ARID1A: variants seen among roughly 807,000 people sequenced by gnomAD.
The protein encoded by ARID1A is AT-rich interaction domain 1A.
Under a neutral mutation model 212.6 loss-of-function variants are expected in ARID1A, and 20 were observed. That is an observed-to-expected ratio of 0.09 (90% CI 0.07 to 0.14). The LOEUF (loss-of-function observed/expected upper bound fraction) is 0.14. ARID1A is among the 10% of genes least tolerant of loss of function. ARID1A has a pLI of 1.00. For synonymous variants in ARID1A, 1,376 were observed against 1,222.1 expected, an observed-to-expected ratio of 1.13 and a Z score of -2.63; for missense variants, 2,587 against 3,059.0, an observed-to-expected ratio of 0.85 and a Z score of 3.64.
intron 11 of ARID1A, among the ~76,000 whole-genome samples, chr1:26,768,342 C>A (rs993118011): frequency 1.3e-5 from 2 of 152,178 alleles, no homozygotes; most frequent in African/African-American, 2.4e-5. Flanking sequence ...GGTTTTGAAT[C>A]CCTTCTTGGC....
chr1:26,754,741 G>A (rs533340243), intron 4 of ARID1A, among the ~76,000 whole-genome samples: 46 of 152,278 alleles, frequency 3.0e-4, no homozygotes, highest in African/African-American at 1.1e-3. Context: ...CAGCAGTCCC[G>A]GGTTTAAAAT....
At chr1:26,712,950 T>C (rs1380513069) in intron 1 of ARID1A, among the ~76,000 whole-genome samples, 6 of 152,238 alleles carry the variant, frequency 3.9e-5, no homozygotes, top group Non-Finnish European at 8.8e-5. Context: ...TTATGTGGTT[T>C]CTCTGTCCTT....
intron 5 of ARID1A, 60 bp from the exon 6 acceptor site, chr1:26,761,323 TC>T: frequency 6.3e-7 from 1 of 1,591,370 alleles, no homozygotes; most frequent in Non-Finnish European, 8.6e-7. Context: ...TGAATTAACT[TC>T]CTAGTTAGAA....
chr1:26,745,541 A>C (rs1183803096), intron 4 of ARID1A, among the ~76,000 whole-genome samples: 1 of 152,220 alleles, frequency 6.6e-6, no homozygotes, highest in Non-Finnish European at 1.5e-5. Flanking sequence ...TGCATGAACT[A>C]GCCCAACAGA....
At chr1:26,760,822 A>T (rs772160815) in intron 4 of ARID1A, 34 bp from the exon 5 acceptor site, 1 of 1,577,914 alleles carries the variant, frequency 6.3e-7, no homozygotes, top group Non-Finnish European at 8.7e-7. Context: ...TCTGCCTAAT[A>T]TTACTAATCC....
chr1:26,769,321 C>T (rs1288561817), intron 11 of ARID1A: 2 of 152,166 alleles, frequency 1.3e-5, no homozygotes, highest in Non-Finnish European at 2.9e-5. Flanking sequence ...TTTAAAATGC[C>T]GTGATTGTAA....
intron 5 of ARID1A, 108 bp downstream of exon 5, chr1:26,761,204 G>T: frequency 6.6e-7 from 1 of 1,515,418 alleles, no homozygotes; most frequent in East Asian, 2.3e-5. Flanking sequence ...GCTCATGCCT[G>T]CATAGTTTCC....
At chr1:26,773,741 C>T (rs2081106674) in intron 16 of ARID1A, 24 bp downstream of exon 16, 3 of 1,614,058 alleles carry the variant, frequency 1.9e-6, no homozygotes, top group Non-Finnish European at 1.7e-6. Flanking sequence ...GGTCTCGGTG[C>T]TGCTATGGAT....
intron 8 of ARID1A, chr1:26,764,598 T>A (rs564291741): frequency 6.6e-6 from 1 of 152,114 alleles, no homozygotes; most frequent in East Asian, 1.9e-4. Context: ...TGAACCAAGG[T>A]AGAATAGGGC....
At chr1:26,714,398 T>TTTG (rs2080482061) in intron 1 of ARID1A, among the ~76,000 whole-genome samples, 1 of 151,748 alleles carries the variant, frequency 6.6e-6, no homozygotes, top group Non-Finnish European at 1.5e-5. Flanking sequence ...CTATAATCTT[T>TTTG]TTTGTTTGTT....
At chr1:26,760,750 T>C (rs2124052590) in intron 4 of ARID1A, 106 bp from the exon 5 acceptor site, 1 of 1,254,150 alleles carries the variant, frequency 8.0e-7, no homozygotes. Context: ...TGTGATGTAT[T>C]TGCTCTTGGT....
chr1:26,752,666 T>C (rs1025278102), intron 4 of ARID1A, among the ~76,000 whole-genome samples: 12 of 152,218 alleles, frequency 7.9e-5, no homozygotes, highest in Non-Finnish European at 1.8e-4. Flanking sequence ...GTCTCTTCTG[T>C]GTTCTTCAGG....
intron 8 of ARID1A, among the ~76,000 whole-genome samples, chr1:26,763,755 C>T (rs927607139): frequency 2.6e-5 from 4 of 152,142 alleles, no homozygotes; most frequent in African/African-American, 4.8e-5. Flanking sequence ...GGCGACAGAG[C>T]GAGACTGTCG....
intron 11 of ARID1A, chr1:26,769,692 C>T (rs1368436870): frequency 6.6e-6 from 1 of 152,224 alleles, no homozygotes; most frequent in Non-Finnish European, 1.5e-5. Flanking sequence ...TATTGAACTT[C>T]CTTTGTGTAT....
chr1:26,780,235 T>C lies in ARID1A; in HGVS notation c.6337T>C (p.Ser2113Pro). 6.2e-7 allele frequency: 1 copy of C among 1,614,038 alleles called. No homozygotes were observed. The highest frequency in any genetic ancestry group is 1.1e-5 in the South Asian group (1 of 91,070). Residue 2113 changes from serine to proline, a missense_variant, in exon 20 of 20, where the codon TCC (serine) becomes CCC (proline). By Grantham distance (74) the Ser-to-Pro change is moderately conservative (BLOSUM62 -1). Around this residue, in one of 11 missense-constraint regions of ARID1A, gnomAD observed 168 missense variants for 321.0 expected, o/e 0.52. Coordinates refer to ENST00000324856, the MANE Select transcript of ARID1A (RefSeq NM_006015.6). The surrounding 1 kb of genome is among the most constrained non-coding windows in gnomAD (Gnocchi z 7.2). ...FSTLGPNAVL[S>P]PQRLVLETLS... ...CACCCTGGGCCCCAATGCCGTCCTT[T>C]CCCCGCAGAGACTGGTCTTGGAAAC... is the stretch of plus-strand genomic sequence containing the variant.
chr1:26,768,219 C>T (rs2081055284), intron 11 of ARID1A, among the ~76,000 whole-genome samples: 3 of 152,088 alleles, frequency 2.0e-5, no homozygotes, highest in Non-Finnish European at 2.9e-5. Flanking sequence ...GTAAGTTTAC[C>T]GTGTATCTAT....
chr1:26,740,862 A>T (rs1483540566), intron 4 of ARID1A, among the ~76,000 whole-genome samples: 1 of 152,160 alleles, frequency 6.6e-6, no homozygotes, highest in Non-Finnish European at 1.5e-5. Context: ...AGAATACAGG[A>T]CTGAGAATAA....
At chr1:26,707,341 TG>T (rs1293093767) in intron 1 of ARID1A, among the ~76,000 whole-genome samples, 1 of 151,222 alleles carries the variant, frequency 6.6e-6, no homozygotes, top group Non-Finnish European at 1.5e-5. Flanking sequence ...CCCGAGTAGC[TG>T]GGACTACAGG....
chr1:26,746,822 A>G (rs2080839438), intron 4 of ARID1A, among the ~76,000 whole-genome samples: 1 of 152,234 alleles, frequency 6.6e-6, no homozygotes, highest in Non-Finnish European at 1.5e-5. Flanking sequence ...AAATCACCTG[A>G]GGTCAGGAGT....
Sources: gnomAD v4.1 joint callset for allele counts (sites outside exome capture counted in the v4.1 genomes callset) on GRCh38, gnomAD v4.1.1 for gene constraint, gnomAD v4.1.1 regional missense constraint, Gnocchi (gnomAD v3.1) non-coding constraint, MANE v1.5 for transcripts, NCBI Gene and HGNC (gene_info 2026-07-23, HGNC 2026-07-21) for gene names.